The following THRAP3 variants were observed in gnomAD, a reference collection of about 807,000 sequenced individuals.
The protein encoded by THRAP3 is thyroid hormone receptor-associated protein 3.
In THRAP3, 16 loss-of-function variants were observed where a neutral mutation model predicts 101.0. That is an observed-to-expected ratio of 0.16 (90% confidence interval 0.11 to 0.24). THRAP3 has a LOEUF of 0.24. Ranked by LOEUF, THRAP3 falls within the 10% of genes least tolerant of loss-of-function variation. The pLI is 1.00. For missense variants in THRAP3, 989 were observed against 1,202.7 expected, an observed-to-expected ratio of 0.82 and a Z score of 2.63; for synonymous variants, 407 against 422.6, an observed-to-expected ratio of 0.96 and a Z score of 0.45.
chr1:36,286,576 C>G lies in THRAP3; in HGVS notation c.346C>G (p.Gln116Glu). The stretch of plus-strand genomic sequence containing the variant: ...CCGCTCAAATTGGCAGAATTACCGG[C>G]AAGCATACAGTCCTCGTCGAGGCCG... ...NYRSNWQNYR[Q>E]AYSPRRGRSR... The change falls in exon 4 of 12, where the codon CAA becomes GAA. Residue 116 changes from glutamine to glutamate, a missense_variant. Coordinates refer to ENST00000354618, the MANE Select transcript of THRAP3 (RefSeq NM_005119.4). The surrounding 1 kb of genome is among the most constrained non-coding windows in gnomAD (Gnocchi z 5.5). 6.2e-7 allele frequency: 1 copy of G among 1,614,126 alleles called. No homozygotes were observed. Among genetic ancestry groups the G allele is most frequent in the South Asian group, 1.1e-5 (1 of 91,082 alleles).
At chr1:36,292,152 ATGTT>A (rs1645878168) in intron 6 of THRAP3, among the ~76,000 whole-genome samples, 1 of 146,806 alleles carries the variant, frequency 6.8e-6, no homozygotes, top group African/African-American at 2.5e-5. Context: ...TCTTCTCAGT[ATGTT>A]TGTTGTGTGG....
chr1:36,298,507 A>AT (rs1371167360), intron 9 of THRAP3, among the ~76,000 whole-genome samples: 1 of 151,858 alleles, frequency 6.6e-6, no homozygotes, highest in Non-Finnish European at 1.5e-5. Flanking sequence ...TTTATTTTTT[A>AT]TTTTTTTGGA....
the THRAP3 span, among the ~76,000 whole-genome samples, chr1:36,215,379 A>G: frequency 1.3e-5 from 2 of 152,164 alleles, no homozygotes; most frequent in Non-Finnish European, 2.9e-5. Flanking sequence ...CTCCAGAGTC[A>G]ATGGCAGACC....
intron 1 of THRAP3, among the ~76,000 whole-genome samples, chr1:36,252,637 G>A (rs1356937078): frequency 6.6e-6 from 1 of 151,896 alleles, no homozygotes. Context: ...GCTAGGCACC[G>A]TGCCTCACAC....
chr1:36,264,160 C>T (rs776068337), intron 2 of THRAP3, among the ~76,000 whole-genome samples: 7 of 152,258 alleles, frequency 4.6e-5, no homozygotes, highest in Non-Finnish European at 7.3e-5. Flanking sequence ...CCCAGGTTCA[C>T]GCCATTCTCC....
At chr1:36,240,211 A>G (rs1231891839) in intron 1 of THRAP3, among the ~76,000 whole-genome samples, 1 of 152,160 alleles carries the variant, frequency 6.6e-6, no homozygotes, top group Non-Finnish European at 1.5e-5. Flanking sequence ...GCTGTCTGCA[A>G]GCTGGGGAAA....
Position 36,265,519 on chromosome 1 carries a change from G to A in THRAP3, c.-32+6035G>A, listed in dbSNP as rs192576883. Among the ~76,000 whole-genome samples, 130 of 144,932 alleles carry A rather than the reference G, an allele frequency of 9.0e-4. 1 individual carries two copies. Among genetic ancestry groups the A allele is most frequent in the Admixed American group, 7.0e-3 (98 of 13,954 alleles). The stretch of plus-strand genomic sequence containing the variant: ...GCACATGGCATGCATGGCACAGTAA[G>A]TGTTCAGTAAATCTTGATAAGATGA... On this transcript the variant is annotated intron_variant, in intron 2 of 11. Coordinates refer to ENST00000354618, the MANE Select transcript of THRAP3 (RefSeq NM_005119.4).
intron 1 of THRAP3, among the ~76,000 whole-genome samples, chr1:36,235,140 T>C (rs1316070811): frequency 6.6e-6 from 1 of 151,888 alleles, no homozygotes; most frequent in Non-Finnish European, 1.5e-5. Context: ...GAGGTAGAAA[T>C]CTCTGTCTAG....
chr1:36,273,478 G>A (rs969706101), intron 2 of THRAP3, among the ~76,000 whole-genome samples: 6 of 152,148 alleles, frequency 3.9e-5, no homozygotes, highest in African/African-American at 1.4e-4. Context: ...ATACTTAAAG[G>A]TGCAAGACTG....
chr1:36,246,942 A>G (rs1162725032), intron 1 of THRAP3, among the ~76,000 whole-genome samples: 1 of 152,198 alleles, frequency 6.6e-6, no homozygotes, highest in African/African-American at 2.4e-5. Context: ...AAAATTGATA[A>G]TATACATTGT....
At chr1:36,260,055 AACAT>A (rs1326914079) in intron 2 of THRAP3, among the ~76,000 whole-genome samples, 2 of 152,026 alleles carry the variant, frequency 1.3e-5, no homozygotes, top group African/African-American at 4.8e-5. Context: ...CAGCCTGGCC[AACAT>A]AGTGAAACCC....
chr1:36,272,294 A>T (rs959845916), intron 2 of THRAP3, among the ~76,000 whole-genome samples: 7 of 152,166 alleles, frequency 4.6e-5, no homozygotes, highest in African/African-American at 1.7e-4. Flanking sequence ...CTTTTCTATA[A>T]ATTGAAGACC....
chr1:36,243,419 C>T (rs1004228249), intron 1 of THRAP3, among the ~76,000 whole-genome samples: 7 of 151,956 alleles, frequency 4.6e-5, no homozygotes, highest in Non-Finnish European at 1.0e-4. Context: ...ATGCTGCCTT[C>T]AAGCATCTGT....
chr1:36,215,857 C>T, the THRAP3 span, among the ~76,000 whole-genome samples: 12,300 of 151,722 alleles, frequency 0.081, 699 homozygotes, highest in Middle Eastern at 0.23. Flanking sequence ...TCAAGTGATT[C>T]TCCTGTCTCA....
chr1:36,293,273 C>G (rs1034512091), intron 7 of THRAP3, among the ~76,000 whole-genome samples: 1 of 152,128 alleles, frequency 6.6e-6, no homozygotes, highest in Admixed American at 6.6e-5. Flanking sequence ...AGGTGACCTG[C>G]CCGCCTCAGC....
intron 9 of THRAP3, among the ~76,000 whole-genome samples, chr1:36,297,769 C>T (rs1645971771): frequency 6.6e-6 from 1 of 151,366 alleles, no homozygotes; most frequent in Admixed American, 6.6e-5. Context: ...TTTTCATAAC[C>T]CCTTGAGATA....
chr1:36,239,271 T>C lies in THRAP3; in HGVS notation c.-135+14766T>C, dbSNP rs866749667. On this transcript the variant is annotated intron_variant, in intron 1 of 11. Coordinates refer to ENST00000354618, the MANE Select transcript of THRAP3 (RefSeq NM_005119.4). ...CCCAGGCTGGTCTTTTTTTTTTTTTTTTTTTTGAGTCAGCTTCTCGCTCTA... is the reference window on the plus strand; with the variant it reads ...CCCAGGCTGGTCTTTTTTTTTTTTTCTTTTTTGAGTCAGCTTCTCGCTCTA... Among the ~76,000 whole-genome samples the C allele has an allele frequency of 9.2e-4, 137 of 148,314 alleles. 1 individual carries two copies. The highest frequency in any genetic ancestry group is 7.0e-3 in the Middle Eastern group (2 of 286).
chr1:36,241,199 A>AG (rs1645152059), intron 1 of THRAP3, among the ~76,000 whole-genome samples: 1 of 148,110 alleles, frequency 6.8e-6, no homozygotes, highest in Admixed American at 6.7e-5. Flanking sequence ...TTTCAAAAAA[A>AG]AAAAAAAAAA....
At chr1:36,235,267 T>C (rs1475457972) in intron 1 of THRAP3, among the ~76,000 whole-genome samples, 2 of 152,134 alleles carry the variant, frequency 1.3e-5, no homozygotes, top group African/African-American at 4.8e-5. Context: ...TTTGACACCA[T>C]AGATAATAAT....
Sources: allele counts gnomAD v4.1 joint callset (sites outside exome capture counted in the v4.1 genomes callset), GRCh38; gene constraint gnomAD v4.1.1; non-coding constraint Gnocchi (gnomAD v3.1); transcripts MANE v1.5; gene names NCBI Gene and HGNC (gene_info 2026-07-23, HGNC 2026-07-21).